Variants in APBB2 observed in about 807,000 individuals in gnomAD.
APBB2 encodes amyloid beta precursor protein binding family B member 2, also known as Fe65-like 1.
Under a neutral mutation model 82.5 loss-of-function variants are expected in APBB2, and 38 were observed. The observed-to-expected ratio is 0.46, with a 90% confidence interval of 0.36 to 0.60. APBB2 has a LOEUF of 0.60. APBB2 is among the 20% of genes least tolerant of loss of function. APBB2 has a pLI of 0.00. For missense variants in APBB2, 772 were observed against 972.3 expected (o/e 0.79, Z 2.74); for synonymous variants, 341 against 368.2 (o/e 0.93, Z 0.85).
Position 41,191,129 on chromosome 4 carries a change from C to T in APBB2, c.-417+23276G>A, listed in dbSNP as rs938145249. 9.9e-5 allele frequency among the ~76,000 whole-genome samples: 15 copies of T among 152,132 alleles called. 1 individual carries two copies. ...AGCCTTGCCTATCCAGGAAGGAGAA[C>T]GCTCAGACTGATAAAATATTTCACT... is the stretch of plus-strand genomic sequence containing the variant. On this transcript the variant is annotated intron_variant, in intron 1 of 17. Coordinates refer to ENST00000508593, the MANE Select transcript of APBB2 (RefSeq NM_004307.2).
Position 40,832,618 on chromosome 4 carries a change from A to C in APBB2, c.1530-2041T>G, listed in dbSNP as rs549683029. Among the ~76,000 whole-genome samples the C allele has an allele frequency of 6.6e-6, 1 of 152,186 alleles. No homozygotes were observed. The highest frequency in any genetic ancestry group is 1.9e-4 in the East Asian group (1 of 5,174). On this transcript the variant is annotated intron_variant, in intron 12 of 17. Transcript: ENST00000508593. The surrounding 1 kb of genome is among the most constrained non-coding windows in gnomAD (Gnocchi z 4.8). ...AGCCCCCTCACCACGCAGCCATTCT[A>C]AGCTGCTCTTCGCCTCCCTGCCTGT...
intron 6 of APBB2, among the ~76,000 whole-genome samples, chr4:40,991,280 G>A (rs937332956): frequency 6.8e-6 from 1 of 147,620 alleles, no homozygotes; most frequent in Non-Finnish European, 1.5e-5. Context: ...GCCTCCCAAA[G>A]TGCTAGGATT....
intron 4 of APBB2, among the ~76,000 whole-genome samples, chr4:41,035,809 G>A (rs927676479): frequency 2.0e-5 from 3 of 152,088 alleles, no homozygotes; most frequent in Non-Finnish European, 4.4e-5. Flanking sequence ...CAACAATACA[G>A]TACAGCAAAA....
chr4:41,140,530 AG>A (rs2154019723), intron 2 of APBB2, among the ~76,000 whole-genome samples: 1 of 152,250 alleles, frequency 6.6e-6, no homozygotes, highest in Admixed American at 6.5e-5. Flanking sequence ...TTACCTCTAG[AG>A]ATACATTGTC....
chr4:41,140,637 T>C (rs1304520175), intron 2 of APBB2, among the ~76,000 whole-genome samples: 1 of 152,200 alleles, frequency 6.6e-6, no homozygotes, highest in African/African-American at 2.4e-5. Context: ...CCAGGCTGCA[T>C]AGCAGGAGGT....
At chr4:41,154,499 T>C (rs1162658383) in intron 1 of APBB2, among the ~76,000 whole-genome samples, 1 of 152,220 alleles carries the variant, frequency 6.6e-6, no homozygotes, top group Non-Finnish European at 1.5e-5. Flanking sequence ...TCTTTTAAAC[T>C]TCTAGATTTT....
chr4:40,879,438 C>T (rs1228583542), intron 12 of APBB2, among the ~76,000 whole-genome samples: 2 of 152,170 alleles, frequency 1.3e-5, no homozygotes, highest in African/African-American at 2.4e-5. Context: ...AACACCAATT[C>T]TGACTTCATA....
chr4:40,900,785 T>G (rs1775065450), intron 10 of APBB2, among the ~76,000 whole-genome samples: 1 of 150,378 alleles, frequency 6.6e-6, no homozygotes. Context: ...AATTCAGAGT[T>G]AGTGATGGAC....
chr4:41,023,669 AAAGAAATCAGAG>A (rs1712697842), intron 5 of APBB2, among the ~76,000 whole-genome samples: 1 of 152,234 alleles, frequency 6.6e-6, no homozygotes, highest in African/African-American at 2.4e-5. Flanking sequence ...AACACTGTTC[AAAGAAATCAGAG>A]AAGACACAAA....
chr4:40,842,262 G>A (rs1185070963), intron 12 of APBB2: 1 of 383,484 alleles, frequency 2.6e-6, no homozygotes, highest in African/African-American at 2.1e-5. Flanking sequence ...GCCTTTCAAA[G>A]ACAAGGATGG....
intron 2 of APBB2, among the ~76,000 whole-genome samples, chr4:41,105,056 G>A (rs925307434): frequency 2.0e-5 from 3 of 152,092 alleles, no homozygotes; most frequent in African/African-American, 7.2e-5. Flanking sequence ...ACTTTAATAG[G>A]ACTCCCACTC....
chr4:40,983,091 G>A (rs941995958), intron 6 of APBB2, among the ~76,000 whole-genome samples: 3 of 152,172 alleles, frequency 2.0e-5, no homozygotes, highest in African/African-American at 7.2e-5. Flanking sequence ...GAATTAACTA[G>A]ATGCTGTTCT....
At chr4:40,841,985 A>G (rs918087920) in intron 12 of APBB2, among the ~76,000 whole-genome samples, 2 of 152,220 alleles carry the variant, frequency 1.3e-5, no homozygotes, top group African/African-American at 2.4e-5. Context: ...CGGCCATGAT[A>G]TTAATTTTTC....
At chr4:40,876,669 C>A (rs1053395575) in intron 12 of APBB2, among the ~76,000 whole-genome samples, 3 of 152,114 alleles carry the variant, frequency 2.0e-5, no homozygotes, top group Admixed American at 2.0e-4. Context: ...ACTTATAATA[C>A]CTAATACAAT....
intron 12 of APBB2, among the ~76,000 whole-genome samples, chr4:40,857,817 G>A (rs1243483264): frequency 1.3e-5 from 2 of 151,860 alleles, no homozygotes; most frequent in East Asian, 1.9e-4. Context: ...AATGGGGGGC[G>A]GGGAGGGGTG....
At chr4:41,067,133 G>A (rs899878876) in intron 3 of APBB2, among the ~76,000 whole-genome samples, 5 of 152,242 alleles carry the variant, frequency 3.3e-5, no homozygotes, top group African/African-American at 1.2e-4. Flanking sequence ...AGAAACTGAG[G>A]CATCAGTGGC....
At chr4:40,891,158 T>G (rs1771907458) in intron 11 of APBB2, among the ~76,000 whole-genome samples, 1 of 152,222 alleles carries the variant, frequency 6.6e-6, no homozygotes, top group Non-Finnish European at 1.5e-5. Context: ...TTAAGTAACT[T>G]GCTCAGGGTC....
chr4:41,034,355 G>A (rs112681064), intron 4 of APBB2, among the ~76,000 whole-genome samples: 7 of 152,224 alleles, frequency 4.6e-5, no homozygotes, highest in African/African-American at 1.4e-4. Context: ...AACGGAGTCT[G>A]GCTCTGTCAC....
chr4:40,902,508 G>C (rs1434137582), intron 10 of APBB2, among the ~76,000 whole-genome samples: 1 of 152,162 alleles, frequency 6.6e-6, no homozygotes, highest in African/African-American at 2.4e-5. Flanking sequence ...GTGAAAGTGA[G>C]AAAGTCTGAC....
Sources: gnomAD v4.1 joint callset for allele counts (sites outside exome capture counted in the v4.1 genomes callset) on GRCh38, gnomAD v4.1.1 for gene constraint, Gnocchi (gnomAD v3.1) non-coding constraint, MANE v1.5 for transcripts, NCBI Gene and HGNC (gene_info 2026-07-23, HGNC 2026-07-21) for gene names.